VWA8: variants seen among roughly 807,000 people sequenced by gnomAD.
VWA8 encodes von Willebrand factor A domain-containing protein 8.
Under a neutral mutation model 241.5 loss-of-function variants are expected in VWA8, and 221 were observed. The ratio of observed to expected loss-of-function variants is 0.91; its 90% CI spans 0.82 to 1.02. VWA8 has a LOEUF of 1.02. VWA8 is among the 50% of genes least tolerant of loss of function. The probability of loss-of-function intolerance (pLI) is 0.00; values close to 1 mark genes in which losing one functional copy is unlikely to be tolerated. For synonymous variants in VWA8, 852 were observed against 827.1 expected, an observed-to-expected ratio of 1.03 and a Z score of -0.52; for missense variants, 2,322 against 2,328.7, an observed-to-expected ratio of 1.00 and a Z score of 0.06.
intron 42 of VWA8, 26 bp from the exon 43 acceptor site, chr13:41,575,864 A>T: frequency 1.3e-6 from 2 of 1,548,220 alleles, no homozygotes; most frequent in Non-Finnish European, 1.8e-6. Flanking sequence ...CCAGAAAGTT[A>T]TAAACTTTTC....
chr13:41,753,334 T>C (rs149705927), intron 21 of VWA8, among the ~76,000 whole-genome samples: 90 of 152,286 alleles, frequency 5.9e-4, no homozygotes, highest in African/African-American at 2.1e-3. Flanking sequence ...TTCAGAGCCC[T>C]AAAATAAGTC....
At chr13:41,863,301 G>T (rs912235475) in intron 12 of VWA8, among the ~76,000 whole-genome samples, 2 of 150,318 alleles carry the variant, frequency 1.3e-5, no homozygotes, top group African/African-American at 5.0e-5. Flanking sequence ...CCTCAAGCTT[G>T]CAGACAGCCT....
intron 38 of VWA8, among the ~76,000 whole-genome samples, chr13:41,613,146 C>G (rs2044600560): frequency 6.6e-6 from 1 of 152,164 alleles, no homozygotes; most frequent in Admixed American, 6.5e-5. Flanking sequence ...TACCACTGAG[C>G]TTTAACTGGT....
At chr13:41,633,611 G>A (rs560295956) in intron 37 of VWA8, among the ~76,000 whole-genome samples, 1 of 152,288 alleles carries the variant, frequency 6.6e-6, no homozygotes, top group African/African-American at 2.4e-5. Flanking sequence ...AGGCTCTTAC[G>A]ATGTGAGCGA....
intron 2 of VWA8, among the ~76,000 whole-genome samples, chr13:41,917,103 G>C (rs1486978452): frequency 6.6e-6 from 1 of 152,006 alleles, no homozygotes; most frequent in Non-Finnish European, 1.5e-5. Context: ...TTTTTGCCCA[G>C]CCATATTCAA....
Position 41,723,709 on chromosome 13 carries a change from C to T in VWA8, c.2759-2134G>A, listed in dbSNP as rs2045410320. ...GTCATTAACAGAGATTTACAAAAGA[C>T]TATAAATTAATCAGGTTTAAGAAAA... On this transcript the variant is annotated intron_variant, in intron 24 of 44. Coordinates refer to ENST00000379310, the MANE Select transcript of VWA8 (RefSeq NM_015058.2). Among the ~76,000 whole-genome samples, 8 of 151,978 alleles carry T rather than the reference C, an allele frequency of 5.3e-5. No individual in the cohort carries two copies. In the South Asian group the frequency reaches 1.7e-3, roughly 31 times the overall value.
intron 25 of VWA8, among the ~76,000 whole-genome samples, chr13:41,720,195 A>G (rs1294420136): frequency 6.6e-6 from 1 of 152,168 alleles, no homozygotes; most frequent in East Asian, 1.9e-4. Context: ...AGGAAAGAAC[A>G]TAAAAAGTGC....
intron 37 of VWA8, among the ~76,000 whole-genome samples, chr13:41,618,561 C>T (rs1449198408): frequency 6.6e-6 from 1 of 152,140 alleles, no homozygotes; most frequent in African/African-American, 2.4e-5. Flanking sequence ...TGCCTATGTC[C>T]TGAATGGTAT....
chr13:41,947,647 A>C (rs141810164), intron 2 of VWA8, among the ~76,000 whole-genome samples: 1 of 152,288 alleles, frequency 6.6e-6, no homozygotes, highest in Non-Finnish European at 1.5e-5. Flanking sequence ...TGAAAACCAT[A>C]TTGGTGGTCG....
At chr13:41,722,238 G>A (rs1227135290) in intron 24 of VWA8, among the ~76,000 whole-genome samples, 1 of 152,106 alleles carries the variant, frequency 6.6e-6, no homozygotes, top group African/African-American at 2.4e-5. Context: ...GACATTGTCT[G>A]AATTAAAATC....
At chr13:41,836,774 T>A (rs533855892) in intron 12 of VWA8, among the ~76,000 whole-genome samples, 1 of 152,266 alleles carries the variant, frequency 6.6e-6, no homozygotes, top group East Asian at 1.9e-4. Context: ...TCGCTTACAT[T>A]TGCTAAAGTA....
intron 44 of VWA8, among the ~76,000 whole-genome samples, chr13:41,569,143 A>C (rs566149478): frequency 9.9e-5 from 15 of 151,334 alleles, no homozygotes; most frequent in Non-Finnish European, 1.8e-4. Context: ...AGTATCGTAT[A>C]TTTGGCATGC....
intron 20 of VWA8, among the ~76,000 whole-genome samples, chr13:41,763,332 G>A (rs186876757): frequency 0.018 from 2,757 of 150,812 alleles, 40 homozygotes; most frequent in Non-Finnish European, 0.027. Context: ...TAGATAGATA[G>A]ATAGATAGAT....
At chr13:41,832,542 T>G (rs1364182288) in intron 13 of VWA8, among the ~76,000 whole-genome samples, 1 of 151,904 alleles carries the variant, frequency 6.6e-6, no homozygotes, top group Non-Finnish European at 1.5e-5. Context: ...TTAATTACAT[T>G]CAGTATCTGC....
chr13:41,892,878 G>A (rs761633918), intron 4 of VWA8, among the ~76,000 whole-genome samples: 1 of 152,036 alleles, frequency 6.6e-6, no homozygotes, highest in Admixed American at 6.6e-5. Flanking sequence ...AATAGTCCAA[G>A]CTCCTTAATT....
chr13:41,606,364 C>T (rs1246555009), intron 39 of VWA8, among the ~76,000 whole-genome samples: 1 of 151,918 alleles, frequency 6.6e-6, no homozygotes, highest in Admixed American at 6.6e-5. Flanking sequence ...CATCTTAAAC[C>T]GTCAGTAGAA....
intron 17 of VWA8, among the ~76,000 whole-genome samples, chr13:41,798,373 A>C (rs1397194950): frequency 6.6e-6 from 1 of 152,176 alleles, no homozygotes; most frequent in African/African-American, 2.4e-5. Flanking sequence ...AGTGCTGAAA[A>C]AACTACTAAA....
chr13:41,892,310 C>CA (rs1330754441), intron 4 of VWA8, among the ~76,000 whole-genome samples: 1 of 151,990 alleles, frequency 6.6e-6, no homozygotes, highest in Non-Finnish European at 1.5e-5. Flanking sequence ...TACTTTTTGT[C>CA]AAAATCCTTC....
Position 41,721,534 on chromosome 13 carries a change from G to A in VWA8, c.2800C>T (p.His934Tyr). 1 of 1,613,708 alleles carries A rather than the reference G, an allele frequency of 6.2e-7. No homozygotes were observed. The highest frequency in any genetic ancestry group is 1.3e-5 in the African/African-American group (1 of 74,992). Reference protein sequence around the residue: ...SCHAVDNPKPHSELEMLRQYG... With the variant: ...SCHAVDNPKPYSELEMLRQYG... ...TGTCTGAGCATCTCGAGCTCCGAGT[G>A]GGGTTTGGGGTTATCAACTGCATGG... The change falls in exon 25 of 45, where the codon CAC (histidine) becomes TAC (tyrosine). Residue 934 changes from histidine to tyrosine, a missense_variant. Transcript: ENST00000379310.
Sources: allele counts gnomAD v4.1 joint callset (sites outside exome capture counted in the v4.1 genomes callset), GRCh38; gene constraint gnomAD v4.1.1; transcripts MANE v1.5; gene names NCBI Gene and HGNC (gene_info 2026-07-23, HGNC 2026-07-21).